SEPTIN9: variants seen among roughly 807,000 people sequenced by gnomAD.
The protein encoded by SEPTIN9 is septin 9.
Under a neutral mutation model 56.6 loss-of-function variants are expected in SEPTIN9, and 13 were observed. The ratio of observed to expected loss-of-function variants is 0.23; its 90% CI spans 0.15 to 0.37. The LOEUF is 0.37. Among genes scored for constraint, SEPTIN9 ranks in the 10% least tolerant of loss-of-function variants. The pLI is 1.00. For missense variants in SEPTIN9, 650 were observed against 823.1 expected (o/e 0.79, Z 2.57); for synonymous variants, 332 against 334.1 (o/e 0.99, Z 0.07).
At chr17:77,373,218 G>A in intron 2 of SEPTIN9, 2 of 1,107,930 alleles carry the variant, frequency 1.8e-6, no homozygotes, top group Non-Finnish European at 2.2e-6. Context: ...CAGGCGGGCG[G>A]AGCAGCCAGT....
chr17:77,349,469 G>GT (rs377673430), intron 2 of SEPTIN9, among the ~76,000 whole-genome samples: 14 of 152,188 alleles, frequency 9.2e-5, no homozygotes, highest in South Asian at 6.2e-4. Flanking sequence ...TGAGTTGTCA[G>GT]TTTTTTCTTT....
At chr17:77,292,515 A>G (rs2031610866) in intron 1 of SEPTIN9, among the ~76,000 whole-genome samples, 1 of 148,126 alleles carries the variant, frequency 6.8e-6, no homozygotes, top group African/African-American at 2.5e-5. Context: ...ATTTTTTGAG[A>G]TGGAGTCTCG....
At chr17:77,430,181 C>A (rs551589758) in intron 3 of SEPTIN9, among the ~76,000 whole-genome samples, 1 of 152,010 alleles carries the variant, frequency 6.6e-6, no homozygotes, top group Non-Finnish European at 1.5e-5. Context: ...CCTTGCCTTG[C>A]GGGTGCTGGC....
At chr17:77,325,556 C>A (rs1398947926) in intron 2 of SEPTIN9, among the ~76,000 whole-genome samples, 1 of 152,126 alleles carries the variant, frequency 6.6e-6, no homozygotes, top group Non-Finnish European at 1.5e-5. Context: ...ATGGCAGGGC[C>A]AGCCCGGGGC....
At chr17:77,399,582 G>A (rs1026427837) in intron 2 of SEPTIN9, among the ~76,000 whole-genome samples, 3 of 152,244 alleles carry the variant, frequency 2.0e-5, no homozygotes, top group Admixed American at 6.5e-5. Context: ...TGTCTACCCC[G>A]TACTTCACTT....
chr17:77,498,466 G>GC, intron 11 of SEPTIN9, 57 bp from the exon 12 acceptor site: 4 of 352,690 alleles, frequency 1.1e-5, no homozygotes, highest in South Asian at 4.4e-5. Context: ...CCCCTGCCCC[G>GC]CTGCCCCCAC....
chr17:77,297,261 G>T, intron 1 of SEPTIN9, among the ~76,000 whole-genome samples: 1 of 152,166 alleles, frequency 6.6e-6, no homozygotes, highest in East Asian at 1.9e-4. Context: ...AGAGCCTGGG[G>T]AACTGCTGGA....
At chr17:77,478,740 G>GT (rs2039326656) in intron 3 of SEPTIN9, among the ~76,000 whole-genome samples, 2 of 150,924 alleles carry the variant, frequency 1.3e-5, no homozygotes, top group East Asian at 3.9e-4. Flanking sequence ...GGAGGCAGAG[G>GT]TTTCGGTGAG....
In SEPTIN9 at chr17:77,338,844, A is replaced by G. The variant is rs541778237; in HGVS notation, c.76+31647A>G. The stretch of plus-strand genomic sequence containing the variant: ...AGAGCTTCCTTCAAAATTAGAGTCA[A>G]TTCTTTCAACCCTGGCCACGGATTG... On this transcript the variant is annotated intron_variant, in intron 2 of 11. Coordinates refer to ENST00000427177, the MANE Select transcript of SEPTIN9 (RefSeq NM_001113491.2). 3.9e-5 allele frequency among the ~76,000 whole-genome samples: 6 copies of G among 152,342 alleles called. No homozygotes were observed. The South Asian group carries it at 1.0e-3, about 26-fold the overall frequency.
rs374863962 is a variant in SEPTIN9 at position 77,492,004 on chromosome 17, G to A, written c.1381-617G>A. On this transcript the variant is annotated intron_variant, in intron 8 of 11. Coordinates refer to ENST00000427177, the MANE Select transcript of SEPTIN9 (RefSeq NM_001113491.2). This position sits in a 1 kb window ranked among gnomAD's most constrained non-coding sequence, Gnocchi z 5.4. Reference sequence around the variant, plus strand: ...AATGAAACCGAGGTGCCTGGGCTGCGGCACCACATCTGCCTCGGTGGGTGT... The same window carrying A: ...AATGAAACCGAGGTGCCTGGGCTGCAGCACCACATCTGCCTCGGTGGGTGT... 1.3e-5 allele frequency among the ~76,000 whole-genome samples: 2 copies of A among 151,914 alleles called. No individual in the cohort carries two copies. Among genetic ancestry groups the A allele is most frequent in the African/African-American group, 2.4e-5 (1 of 41,368 alleles).
rs762976032 is a variant in SEPTIN9 at position 77,490,864 on chromosome 17, G to A, written c.1380+5G>A. ...AGGGTCCACTTCAAACAGCGGGTAG[G>A]GTTCCATCTCTACTTGCCCCAGCCC... On this transcript the variant is annotated splice_donor_5th_base_variant and intron_variant, in intron 8 of 11. Transcript: ENST00000427177. The A allele has an allele frequency of 1.9e-6, 3 of 1,563,198 alleles. No individual in the cohort carries two copies. Among genetic ancestry groups the A allele is most frequent in the Admixed American group, 1.9e-5 (1 of 53,136 alleles).
At position 77,319,614 on chromosome 17, in the gene SEPTIN9, G is replaced by A. The variant is rs1050983813; in HGVS notation, c.76+12417G>A. ...ACCTTTTCTCAGCACGCTGGCCTGG[G>A]GCACGGCCGTTCCTCCTGCCCAGCC... On this transcript the variant is annotated intron_variant, in intron 2 of 11. Coordinates refer to ENST00000427177, the MANE Select transcript of SEPTIN9 (RefSeq NM_001113491.2). This position sits in a 1 kb window ranked among gnomAD's most constrained non-coding sequence, Gnocchi z 5.3. 3.8e-6 allele frequency: 4 copies of A among 1,061,956 alleles called. No individual in the cohort carries two copies. The highest frequency in any genetic ancestry group is 4.6e-6 in the Non-Finnish European group (4 of 877,330). The allele number at this position is 1,061,956 out of a possible 1,614,324, so 65.8% of individuals were successfully genotyped here.
intron 8 of SEPTIN9, 126 bp downstream of exon 8, chr17:77,490,985 C>T: frequency 1.3e-6 from 1 of 780,530 alleles, no homozygotes; most frequent in East Asian, 2.7e-5. Flanking sequence ...TCACTCTCCC[C>T]AGCGGGTGGC....
In SEPTIN9 at chr17:77,317,475, C is replaced by T. The variant is rs772845387; in HGVS notation, c.76+10278C>T. Among the ~76,000 whole-genome samples, 2 of 152,130 alleles carry T rather than the reference C, an allele frequency of 1.3e-5. No homozygotes were observed. The highest frequency in any genetic ancestry group is 1.9e-4 in the East Asian group (1 of 5,198). On this transcript the variant is annotated intron_variant, in intron 2 of 11. Coordinates refer to ENST00000427177, the MANE Select transcript of SEPTIN9 (RefSeq NM_001113491.2). This position sits in a 1 kb window ranked among gnomAD's most constrained non-coding sequence, Gnocchi z 4.2. ...ATTGGATTCTTATAGGAGAGTGAAC[C>T]GTATTGTGAACGGCACATGTGAGGG...
At chr17:77,392,636 C>CAG (rs1311499117) in intron 2 of SEPTIN9, among the ~76,000 whole-genome samples, 1 of 151,650 alleles carries the variant, frequency 6.6e-6, no homozygotes, top group Non-Finnish European at 1.5e-5. Flanking sequence ...CTTGGGAAGG[C>CAG]AGAGGGGGAG....
intron 2 of SEPTIN9, among the ~76,000 whole-genome samples, chr17:77,334,160 C>T (rs1007678342): frequency 7.2e-5 from 11 of 152,230 alleles, no homozygotes; most frequent in African/African-American, 1.7e-4. Flanking sequence ...CAGTGGCTCA[C>T]GCCTGTAATC....
intron 3 of SEPTIN9, chr17:77,470,608 A>G (rs541132269): frequency 2.6e-4 from 39 of 152,148 alleles, no homozygotes; most frequent in African/African-American, 9.4e-4. Flanking sequence ...TTGCTCATTC[A>G]TCCGCCAACC....
intron 2 of SEPTIN9, among the ~76,000 whole-genome samples, chr17:77,351,328 T>A (rs528515847): frequency 1.3e-5 from 2 of 152,244 alleles, no homozygotes; most frequent in South Asian, 4.1e-4. Context: ...AACCGGGTTC[T>A]GGGAAACTGT....
Position 77,475,711 on chromosome 17 carries a change from C to T in SEPTIN9, c.722-6433C>T, listed in dbSNP as rs541303612. The T allele has an allele frequency of 1.9e-6, 3 of 1,613,474 alleles. No homozygotes were observed. Among genetic ancestry groups the T allele is most frequent in the Non-Finnish European group, 2.5e-6 (3 of 1,179,888 alleles). ...CCGGGGTGGATGGAGGCAAGGAAGT[C>T]TTCGCCGGGGCAAGGGCACCAGCTG... is the stretch of plus-strand genomic sequence containing the variant. On this transcript the variant is annotated intron_variant, in intron 3 of 11. Transcript: ENST00000427177. This position sits in a 1 kb window ranked among gnomAD's most constrained non-coding sequence, Gnocchi z 4.6.
Sources: allele counts gnomAD v4.1 joint callset (sites outside exome capture counted in the v4.1 genomes callset), GRCh38; gene constraint gnomAD v4.1.1; non-coding constraint Gnocchi (gnomAD v3.1); transcripts MANE v1.5; gene names NCBI Gene and HGNC (gene_info 2026-07-23, HGNC 2026-07-21).